Variants in NLGN4X observed in about 807,000 individuals in gnomAD.
NLGN4X encodes the protein neuroligin 4 X-linked.
Under a neutral mutation model 40.3 loss-of-function variants are expected in NLGN4X, and 3 were observed. The ratio of observed to expected loss-of-function variants is 0.07; its 90% CI spans 0.03 to 0.19. The LOEUF is 0.19. Among genes scored for constraint, NLGN4X ranks in the 10% least tolerant of loss-of-function variants. The pLI is 1.00. For missense variants in NLGN4X, 382 were observed against 708.3 expected (o/e 0.54, Z 5.23); for synonymous variants, 270 against 306.8 (o/e 0.88, Z 1.25).
intron 3 of NLGN4X, among the ~76,000 whole-genome samples, chrX:5,918,668 G>A (rs1292630625): frequency 2.7e-5 from 3 of 112,089 alleles, no homozygotes; most frequent in Admixed American, 1.9e-4. Flanking sequence ...ATTTTTATAT[G>A]TTCTAACATT....
At position 5,910,729 on chromosome X, in the gene NLGN4X, A is replaced by G. The variant is rs765847107; in HGVS notation, c.626-1490T>C. On this transcript the variant is annotated intron_variant, in intron 3 of 5. Transcript: ENST00000381095. ...GAAAGGAGGAAATGGCCTGGCTCCA[A>G]AGAAAGTCACAGGACGATTTTCGTT... 9.0e-5 allele frequency among the ~76,000 whole-genome samples: 10 copies of G among 111,708 alleles called. No individual in the cohort carries two copies. In the East Asian group the frequency reaches 2.3e-3, roughly 25 times the overall value.
chrX:6,176,038 C>T (rs975999263), intron 1 of NLGN4X, among the ~76,000 whole-genome samples: 6 of 111,375 alleles, frequency 5.4e-5, no homozygotes, highest in African/African-American at 1.6e-4. Context: ...TATGACACAG[C>T]GAGCGGGGTC....
rs370739748 is a variant in NLGN4X at position 6,210,880 on chromosome X, G to T, written c.-306+17661C>A. On this transcript the variant is annotated intron_variant, in intron 1 of 5. Transcript: ENST00000381095. Reference sequence around the variant, plus strand: ...TTTTGACAGTTACAACTTTATAGTGGATGATACAGAGGAACTACTGTTGAT... The same window carrying T: ...TTTTGACAGTTACAACTTTATAGTGTATGATACAGAGGAACTACTGTTGAT... 7.3e-4 allele frequency among the ~76,000 whole-genome samples: 82 copies of T among 112,440 alleles called. No individual in the cohort carries two copies. The South Asian group carries it at 0.03, about 41-fold the overall frequency.
At chrX:5,997,927 T>C (rs912422857) in intron 3 of NLGN4X, among the ~76,000 whole-genome samples, 4 of 111,354 alleles carry the variant, frequency 3.6e-5, no homozygotes, top group African/African-American at 1.3e-4. Flanking sequence ...ACAAGTCATG[T>C]GGAAATTGAA....
chrX:5,938,108 G>A (rs2033793258), intron 3 of NLGN4X, among the ~76,000 whole-genome samples: 1 of 111,607 alleles, frequency 9.0e-6, no homozygotes, highest in African/African-American at 3.3e-5. Context: ...AAGATTTTGA[G>A]TGTGTGTATA....
intron 3 of NLGN4X, among the ~76,000 whole-genome samples, chrX:5,999,150 T>A (rs2035909540): frequency 9.0e-6 from 1 of 111,045 alleles, no homozygotes; most frequent in South Asian, 3.9e-4. Context: ...CCCCCACTGA[T>A]CTTTTGTGGT....
chrX:6,065,856 C>G (rs1275602296), intron 2 of NLGN4X, among the ~76,000 whole-genome samples: 2 of 111,356 alleles, frequency 1.8e-5, no homozygotes, highest in Non-Finnish European at 3.8e-5. Flanking sequence ...TTTAAAATAG[C>G]TAAATTGCAT....
At chrX:5,929,940 G>A (rs2033488299) in intron 3 of NLGN4X, among the ~76,000 whole-genome samples, 1 of 112,155 alleles carries the variant, frequency 8.9e-6, no homozygotes, top group African/African-American at 3.2e-5. Flanking sequence ...AAACTGGGGA[G>A]AACTTAGCAA....
chrX:6,168,256 T>A (rs187491277), intron 1 of NLGN4X, among the ~76,000 whole-genome samples: 125 of 112,165 alleles, frequency 1.1e-3, no homozygotes, highest in African/African-American at 3.7e-3. Flanking sequence ...ATCTATAACA[T>A]CTTCAAGCTA....
intron 2 of NLGN4X, among the ~76,000 whole-genome samples, chrX:6,146,714 CA>C (rs1408128359): frequency 1.0e-4 from 11 of 109,406 alleles, no homozygotes; most frequent in African/African-American, 3.6e-4. Flanking sequence ...AAAAACAACC[CA>C]AAATTTCACT....
intron 3 of NLGN4X, among the ~76,000 whole-genome samples, chrX:5,952,189 G>A (rs1388878992): frequency 9.0e-6 from 1 of 111,720 alleles, no homozygotes; most frequent in African/African-American, 3.3e-5. Flanking sequence ...GATAGGTGGA[G>A]AGGAGTTGAG....
chrX:6,015,892 G>C (rs1850043671), intron 3 of NLGN4X, among the ~76,000 whole-genome samples: 1 of 111,734 alleles, frequency 8.9e-6, no homozygotes, highest in South Asian at 3.8e-4. Flanking sequence ...TGGTCAATGA[G>C]GCTGAAGATT....
At chrX:6,191,862 TA>T (rs764131442) in intron 1 of NLGN4X, among the ~76,000 whole-genome samples, 6 of 109,761 alleles carry the variant, frequency 5.5e-5, no homozygotes, top group Admixed American at 9.7e-5. Flanking sequence ...CTATCTCAAA[TA>T]AAAAAAAAGT....
intron 2 of NLGN4X, among the ~76,000 whole-genome samples, chrX:6,079,493 G>A (rs775346264): frequency 8.9e-6 from 1 of 112,262 alleles, no homozygotes; most frequent in East Asian, 2.8e-4. Flanking sequence ...TCCCAATCCA[G>A]CTTGAATTAT....
chrX:5,940,095 C>T (rs1188692401), intron 3 of NLGN4X, among the ~76,000 whole-genome samples: 2 of 110,106 alleles, frequency 1.8e-5, no homozygotes, highest in Non-Finnish European at 3.8e-5. Context: ...ATTAAATATG[C>T]TGGGATACAT....
chrX:6,107,350 AC>A (rs1159936358), intron 2 of NLGN4X, among the ~76,000 whole-genome samples: 3 of 110,839 alleles, frequency 2.7e-5, no homozygotes, highest in Non-Finnish European at 3.8e-5. Flanking sequence ...ACTAAAACCT[AC>A]TTAGCACTCC....
intron 3 of NLGN4X, among the ~76,000 whole-genome samples, chrX:5,998,735 A>C (rs1301844952): frequency 8.9e-6 from 1 of 112,533 alleles, no homozygotes; most frequent in African/African-American, 3.2e-5. Context: ...AGAGGAAAAA[A>C]AGATCATTCT....
chrX:6,185,299 C>T (rs1022154151), intron 1 of NLGN4X, among the ~76,000 whole-genome samples: 8 of 111,956 alleles, frequency 7.1e-5, no homozygotes, highest in African/African-American at 2.6e-4. Flanking sequence ...CCATGTCACA[C>T]TTAAATTGAC....
At position 5,890,542 on chromosome X, in the gene NLGN4X, C is replaced by A; in HGVS notation, c.*2275G>T. ...GAATTCACATTACAGACAGACGAAA[C>A]CAACATGGATGCCACACATAACTTC... is the stretch of plus-strand genomic sequence containing the variant. On this transcript the variant is annotated 3_prime_UTR_variant, in exon 6 of 6. Coordinates refer to ENST00000381095, the MANE Select transcript of NLGN4X (RefSeq NM_181332.3). 1 of 320,805 alleles carries A rather than the reference C, an allele frequency of 3.1e-6. No homozygotes were observed. Among genetic ancestry groups the A allele is most frequent in the South Asian group, 2.8e-5 (1 of 35,982 alleles). 26.4% of individuals were successfully genotyped at this position (320,805 alleles called of 1,213,427 possible).
Sources: gnomAD v4.1 joint callset for allele counts (sites outside exome capture counted in the v4.1 genomes callset) on GRCh38, gnomAD v4.1.1 for gene constraint, MANE v1.5 for transcripts, NCBI Gene and HGNC (gene_info 2026-07-23, HGNC 2026-07-21) for gene names.